The following SPG21 variants were observed in gnomAD, a reference collection of about 807,000 sequenced individuals.
SPG21 encodes SPG21 abhydrolase domain containing, maspardin, also known as maspardin.
In SPG21, 26 loss-of-function variants were observed where a neutral mutation model predicts 38.9. The observed-to-expected ratio is 0.67, with a 90% CI of 0.49 to 0.93. SPG21 has a LOEUF of 0.93. Ranked by LOEUF, SPG21 falls within the 40% of genes least tolerant of loss-of-function variation. SPG21 has a pLI of 0.00. For missense variants in SPG21, 333 were observed against 376.5 expected, an observed-to-expected ratio of 0.88 and a Z score of 0.96; for synonymous variants, 136 against 128.9, an observed-to-expected ratio of 1.05 and a Z score of -0.37.
At chr15:64,965,930 G>A (rs2085532950) in intron 7 of SPG21, among the ~76,000 whole-genome samples, 1 of 152,070 alleles carries the variant, frequency 6.6e-6, no homozygotes, top group Non-Finnish European at 1.5e-5. Context: ...TCAAACTCCT[G>A]ACCTCAGGTG....
At chr15:64,988,244 C>A (rs1387686694) in intron 1 of SPG21, among the ~76,000 whole-genome samples, 1 of 151,986 alleles carries the variant, frequency 6.6e-6, no homozygotes, top group Non-Finnish European at 1.5e-5. Context: ...AACAAACAAA[C>A]AAAAAAACCT....
At position 64,963,599 on chromosome 15, in the gene SPG21, T is replaced by C; in HGVS notation, c.*21A>G. The C allele has an allele frequency of 6.3e-7, 1 of 1,579,254 alleles. No homozygotes were observed. On this transcript the variant is annotated 3_prime_UTR_variant, in exon 9 of 9. Transcript: ENST00000204566. ...TACAAGAACACACCGGGTCAACTCATCATTGACAGCGAGAGACACACTACT... is the reference window on the plus strand; with the variant it reads ...TACAAGAACACACCGGGTCAACTCACCATTGACAGCGAGAGACACACTACT...
chr15:64,981,054 GAA>G, intron 2 of SPG21, 29 bp from the exon 3 acceptor site: 1 of 1,613,764 alleles, frequency 6.2e-7, no homozygotes, highest in Non-Finnish European at 8.5e-7. Flanking sequence ...GAAAAAAGTG[GAA>G]AACCTTATAA....
intron 6 of SPG21, among the ~76,000 whole-genome samples, chr15:64,969,611 C>T (rs769510077): frequency 6.6e-6 from 1 of 151,992 alleles, no homozygotes; most frequent in Non-Finnish European, 1.5e-5. Flanking sequence ...CCTCAGCCTA[C>T]ACTGCCTACT....
In SPG21 at chr15:64,981,004, T is replaced by G; in HGVS notation, c.85A>C (p.Ser29Arg). The G allele has an allele frequency of 6.2e-7, 1 of 1,614,156 alleles. No individual in the cohort carries two copies. Among genetic ancestry groups the G allele is most frequent in the Non-Finnish European group, 8.5e-7 (1 of 1,180,028 alleles). The change falls in exon 3 of 9, where the codon AGT becomes CGT. Residue 29 changes from serine (S) to arginine (R), a missense_variant. Physicochemically the swap from Ser to Arg is moderately radical, Grantham distance 110. Coordinates refer to ENST00000204566, the MANE Select transcript of SPG21 (RefSeq NM_016630.7). The stretch of plus-strand genomic sequence containing the variant: ...GCGTCATAGAGCGACCATATCTTAC[T>G]GTCATCATCATCCACAATAATCTGG... ...LKKIIVDDDD[S>R]KIWSLYDAGP...
chr15:64,968,184 C>T (rs1595867908), intron 7 of SPG21, among the ~76,000 whole-genome samples: 1 of 151,662 alleles, frequency 6.6e-6, no homozygotes, highest in Non-Finnish European at 1.5e-5. Context: ...CCCATCTCTA[C>T]AAAAAATTAG....
At position 64,986,732 on chromosome 15, in the gene SPG21, C is replaced by CAA. The variant is rs201937468; in HGVS notation, c.-25+2931_-25+2932dup. On this transcript the variant is annotated intron_variant, in intron 1 of 8. Transcript: ENST00000204566. ...AAACAAAAAACAAAAAAACAAAAAA[C>CAA]AAAAAAAAACTAAGCCATTTTAACT... 4.1e-3 allele frequency among the ~76,000 whole-genome samples: 614 copies of CAA among 150,638 alleles called. 46 individuals carry two copies. In the South Asian group the frequency reaches 0.12, roughly 30 times the overall value.
intron 7 of SPG21, 46 bp downstream of exon 7, chr15:64,969,209 A>C (rs755024825): frequency 7.9e-7 from 1 of 1,262,396 alleles, no homozygotes; most frequent in South Asian, 1.2e-5. Flanking sequence ...CTTGACATAC[A>C]CATTTTAAAA....
chr15:64,965,655 T>C (rs1456089115), intron 7 of SPG21, among the ~76,000 whole-genome samples, 195 bp from the exon 8 acceptor site: 2 of 152,126 alleles, frequency 1.3e-5, no homozygotes, highest in African/African-American at 4.8e-5. Context: ...CCTGGTGACT[T>C]ATAACTCCAA....
chr15:64,978,166 G>A (rs1327277386), intron 3 of SPG21, among the ~76,000 whole-genome samples: 2 of 151,396 alleles, frequency 1.3e-5, no homozygotes, highest in East Asian at 4.0e-4. Context: ...AAAACCAACT[G>A]GCTGGGCGTG....
intron 3 of SPG21, among the ~76,000 whole-genome samples, chr15:64,979,845 C>CCAA (rs748763100): frequency 1.1e-5 from 1 of 89,552 alleles, no homozygotes; most frequent in African/African-American, 4.9e-5. Context: ...TGGAAGCATG[C>CCAA]AAAAAAAAAA....
intron 5 of SPG21, among the ~76,000 whole-genome samples, chr15:64,971,035 C>A (rs1272887910): frequency 6.6e-6 from 1 of 151,870 alleles, no homozygotes; most frequent in Non-Finnish European, 1.5e-5. Context: ...CCACTCCTGG[C>A]CTCTTTTTAT....
At chr15:64,972,761 G>A (rs559587966) in intron 5 of SPG21, among the ~76,000 whole-genome samples, 1 of 152,350 alleles carries the variant, frequency 6.6e-6, no homozygotes, top group South Asian at 2.1e-4. Context: ...GAACCTGGGA[G>A]GCAGAGCTTG....
intron 5 of SPG21, among the ~76,000 whole-genome samples, chr15:64,972,039 G>A (rs922714807): frequency 2.6e-5 from 4 of 152,274 alleles, no homozygotes; most frequent in South Asian, 4.1e-4. Context: ...ACTGTTAAGA[G>A]CCATCATGGA....
chr15:64,986,429 T>TA lies in SPG21; in HGVS notation c.-24-2837dup, dbSNP rs886431897. On this transcript the variant is annotated intron_variant, in intron 1 of 8. Coordinates refer to ENST00000204566, the MANE Select transcript of SPG21 (RefSeq NM_016630.7). Reference sequence around the variant, plus strand: ...TGCCAGGCGCGGCGGCTCACACCTGTAATCCCAGCAGTTTGGGAGGCTGAG... The same window carrying TA: ...TGCCAGGCGCGGCGGCTCACACCTGTAAATCCCAGCAGTTTGGGAGGCTGAG... Among the ~76,000 whole-genome samples, 7 of 151,912 alleles carry TA rather than the reference T, an allele frequency of 4.6e-5. No individual in the cohort carries two copies. The East Asian group carries it at 7.7e-4, about 17-fold the overall frequency.
At chr15:64,970,294 G>A (rs1429745262) in intron 5 of SPG21, 72 bp from the exon 6 acceptor site, 2 of 1,274,546 alleles carry the variant, frequency 1.6e-6, no homozygotes, top group African/African-American at 1.5e-5. Flanking sequence ...CAACATTAAA[G>A]CTTTGTATTA....
chr15:64,964,512 A>G (rs74019393), intron 8 of SPG21, among the ~76,000 whole-genome samples: 139,401 of 152,240 alleles, frequency 0.92, 64,698 homozygotes, highest in East Asian at 1. Flanking sequence ...GCCAGGATAT[A>G]ACTGGTTTTT....
Position 64,989,791 on chromosome 15 carries a change from G to C in SPG21, c.-151C>G, listed in dbSNP as rs2086079336. On this transcript the variant is annotated 5_prime_UTR_variant, in exon 1 of 9. Transcript: ENST00000204566. ...GGCGGCGGAGCACTCGGGACCCACG[G>C]GCACAGCAGGCTGCGCGGTGCGTGC... 1 of 152,284 alleles carries C rather than the reference G, an allele frequency of 6.6e-6. No individual in the cohort carries two copies. The highest frequency in any genetic ancestry group is 2.4e-5 in the African/African-American group (1 of 41,432). The allele number at this position is 152,284 out of a possible 1,614,324, so 9.4% of individuals were successfully genotyped here.
intron 5 of SPG21, among the ~76,000 whole-genome samples, chr15:64,972,479 G>C (rs553263470): frequency 2.6e-5 from 4 of 152,334 alleles, no homozygotes; most frequent in Admixed American, 2.6e-4. Context: ...TTGTAAAGTA[G>C]CTAATGTATA....
Sources: gnomAD v4.1 joint callset for allele counts (sites outside exome capture counted in the v4.1 genomes callset) on GRCh38, gnomAD v4.1.1 for gene constraint, MANE v1.5 for transcripts, NCBI Gene and HGNC (gene_info 2026-07-23, HGNC 2026-07-21) for gene names.